The following LRRC4C variants were observed in gnomAD, a reference collection of about 807,000 sequenced individuals.
LRRC4C encodes the protein leucine rich repeat containing 4C.
In LRRC4C, 5 loss-of-function variants were observed where a neutral mutation model predicts 33.6. That is an observed-to-expected ratio of 0.15 (90% CI 0.08 to 0.31). The LOEUF (loss-of-function observed/expected upper bound fraction) is 0.31, where lower values mean the gene tolerates loss of function less well. Ranked by LOEUF, LRRC4C falls within the 10% of genes least tolerant of loss-of-function variation. The pLI is 1.00. For synonymous variants in LRRC4C, 329 were observed against 302.0 expected (o/e 1.09, Z -0.93); for missense variants, 560 against 796.7 (o/e 0.70, Z 3.58).
intron 5 of LRRC4C, among the ~76,000 whole-genome samples, chr11:40,192,189 G>A (rs1861898919): frequency 2.0e-5 from 3 of 152,206 alleles, no homozygotes; most frequent in South Asian, 4.1e-4. Context: ...AGATGGTGGA[G>A]TAGGAACAGC....
intron 5 of LRRC4C, among the ~76,000 whole-genome samples, chr11:40,151,659 G>A (rs1253559051): frequency 6.6e-6 from 1 of 152,130 alleles, no homozygotes; most frequent in Non-Finnish European, 1.5e-5. Context: ...AGTTTATAAA[G>A]TGAAGCCCCC....
intron 2 of LRRC4C, among the ~76,000 whole-genome samples, chr11:40,695,608 G>C (rs937108781): frequency 1.3e-5 from 2 of 152,126 alleles, no homozygotes; most frequent in South Asian, 2.1e-4. Flanking sequence ...CTAAAGTCAC[G>C]ATGGCAGCAC....
intron 1 of LRRC4C, among the ~76,000 whole-genome samples, chr11:41,107,134 A>G (rs1417684182): frequency 6.6e-6 from 1 of 150,624 alleles, no homozygotes; most frequent in Non-Finnish European, 1.5e-5. Context: ...TCAAAAACCC[A>G]AAATTCAAAA....
At chr11:40,931,692 G>A (rs61010257) in intron 2 of LRRC4C, among the ~76,000 whole-genome samples, 9,475 of 151,938 alleles carry the variant, frequency 0.062, 399 homozygotes, top group Admixed American at 0.15. Context: ...ATACATATGC[G>A]TAGATACTTA....
intron 3 of LRRC4C, among the ~76,000 whole-genome samples, chr11:40,562,622 G>A (rs1336810988): frequency 6.6e-6 from 1 of 152,152 alleles, no homozygotes; most frequent in Non-Finnish European, 1.5e-5. Context: ...TTCGAGACTA[G>A]AGCTGATGCT....
At chr11:40,542,231 A>C (rs2135392918) in intron 3 of LRRC4C, among the ~76,000 whole-genome samples, 1 of 152,166 alleles carries the variant, frequency 6.6e-6, no homozygotes, top group Admixed American at 6.5e-5. Flanking sequence ...AAAATGCTTT[A>C]TTCTCTGCAC....
At chr11:41,353,951 C>G (rs538174706) in intron 1 of LRRC4C, among the ~76,000 whole-genome samples, 1 of 152,166 alleles carries the variant, frequency 6.6e-6, no homozygotes. Flanking sequence ...AAGCATTCCC[C>G]TTGAGATATG....
chr11:40,707,983 T>G (rs1486646965), intron 2 of LRRC4C, among the ~76,000 whole-genome samples: 1 of 152,214 alleles, frequency 6.6e-6, no homozygotes, highest in African/African-American at 2.4e-5. Context: ...TTCTAGATTT[T>G]CTAGTTTGTT....
intron 3 of LRRC4C, among the ~76,000 whole-genome samples, chr11:40,559,487 A>G (rs1957464033): frequency 6.6e-6 from 1 of 151,940 alleles, no homozygotes; most frequent in African/African-American, 2.4e-5. Context: ...GCCTGACCAT[A>G]TGTGTCTTTA....
intron 3 of LRRC4C, among the ~76,000 whole-genome samples, chr11:40,566,083 TAAG>T (rs1957748550): frequency 7.8e-6 from 1 of 128,340 alleles, no homozygotes; most frequent in Non-Finnish European, 1.6e-5. Context: ...CTATTTTTAC[TAAG>T]TTTTTTTTTT....
chr11:40,170,472 T>G (rs1859952372), intron 5 of LRRC4C, among the ~76,000 whole-genome samples: 1 of 151,938 alleles, frequency 6.6e-6, no homozygotes, highest in Non-Finnish European at 1.5e-5. Context: ...AAGGGGCATG[T>G]GCCTCACAGT....
At chr11:41,283,165 A>G (rs992247317) in intron 1 of LRRC4C, among the ~76,000 whole-genome samples, 3 of 152,224 alleles carry the variant, frequency 2.0e-5, no homozygotes, top group African/African-American at 7.2e-5. Context: ...ACAAAATATC[A>G]TTACAGCAAT....
intron 2 of LRRC4C, among the ~76,000 whole-genome samples, chr11:40,689,811 T>G (rs1391008881): frequency 1.3e-5 from 2 of 152,086 alleles, no homozygotes; most frequent in East Asian, 3.9e-4. Flanking sequence ...CTAATATACA[T>G]TCTATCTCTG....
At chr11:41,351,072 A>T (rs1429767384) in intron 1 of LRRC4C, among the ~76,000 whole-genome samples, 1 of 152,108 alleles carries the variant, frequency 6.6e-6, no homozygotes, top group African/African-American at 2.4e-5. Context: ...TCTTTTAAAA[A>T]TTTTTTAAAA....
chr11:41,446,358 G>C (rs1175318265), intron 1 of LRRC4C, among the ~76,000 whole-genome samples: 1 of 152,212 alleles, frequency 6.6e-6, no homozygotes, highest in Admixed American at 6.5e-5. Flanking sequence ...ACCATCCTCT[G>C]CATTGGATGG....
chr11:40,974,020 A>G (rs1565259742), intron 1 of LRRC4C, among the ~76,000 whole-genome samples: 1 of 152,166 alleles, frequency 6.6e-6, no homozygotes, highest in Non-Finnish European at 1.5e-5. Flanking sequence ...CTGGAATTTG[A>G]ACACCTGGGG....
chr11:40,400,271 GGA>G (rs1949709147), intron 3 of LRRC4C, among the ~76,000 whole-genome samples: 1 of 152,168 alleles, frequency 6.6e-6, no homozygotes, highest in African/African-American at 2.4e-5. Flanking sequence ...TGTGCAAACT[GGA>G]GAGAGAGCTC....
chr11:40,395,864 G>A (rs572923828), intron 3 of LRRC4C, among the ~76,000 whole-genome samples: 1 of 152,204 alleles, frequency 6.6e-6, no homozygotes, highest in Non-Finnish European at 1.5e-5. Flanking sequence ...ACATGCACCT[G>A]TAATCTCACT....
intron 2 of LRRC4C, among the ~76,000 whole-genome samples, chr11:40,718,492 G>A (rs61886852): frequency 0.028 from 4,284 of 152,178 alleles, 83 homozygotes; most frequent in Middle Eastern, 0.041. Flanking sequence ...CAGCTGAGGC[G>A]CTAAAGGAAT....
Sources: allele counts gnomAD v4.1 joint callset (sites outside exome capture counted in the v4.1 genomes callset), GRCh38; gene constraint gnomAD v4.1.1; transcripts MANE v1.5; gene names NCBI Gene and HGNC (gene_info 2026-07-23, HGNC 2026-07-21).